GRIP1: variants seen among roughly 807,000 people sequenced by gnomAD.
GRIP1 encodes the protein glutamate receptor-interacting protein 1.
A neutral mutation model predicts 129.9 loss-of-function variants in GRIP1; 45 were observed. The ratio of observed to expected loss-of-function variants is 0.35; its 90% confidence interval spans 0.27 to 0.44. The LOEUF (loss-of-function observed/expected upper bound fraction) is 0.44. Ranked by LOEUF, GRIP1 falls within the 20% of genes least tolerant of loss-of-function variation. The probability of loss-of-function intolerance (pLI) is 1.00; values close to 1 mark genes in which losing one functional copy is unlikely to be tolerated. For synonymous variants in GRIP1, 530 were observed against 520.8 expected, an observed-to-expected ratio of 1.02 and a Z score of -0.24; for missense variants, 1,196 against 1,396.8, an observed-to-expected ratio of 0.86 and a Z score of 2.29.
At chr12:66,787,275 C>T (rs1045602866) in intron 1 of GRIP1, among the ~76,000 whole-genome samples, 2 of 152,238 alleles carry the variant, frequency 1.3e-5, no homozygotes, top group African/African-American at 4.8e-5. Flanking sequence ...AAGTTTAGGA[C>T]GTTTGTTTCC....
At chr12:66,866,691 C>A (rs997996677) in intron 1 of GRIP1, among the ~76,000 whole-genome samples, 1 of 152,092 alleles carries the variant, frequency 6.6e-6, no homozygotes, top group African/African-American at 2.4e-5. Flanking sequence ...GATTATTATG[C>A]ATTGCATGCC....
chr12:66,395,608 C>T (rs1340277384), intron 16 of GRIP1, among the ~76,000 whole-genome samples: 1 of 152,210 alleles, frequency 6.6e-6, no homozygotes. Flanking sequence ...ACTTACTTCA[C>T]TTCTGGCCAT....
In GRIP1 at chr12:66,386,494, C is replaced by T. The variant is rs559083667; in HGVS notation, c.2464+5814G>A. Among the ~76,000 whole-genome samples, 7 of 152,070 alleles carry T rather than the reference C, an allele frequency of 4.6e-5. No homozygotes were observed. In the South Asian group the frequency reaches 8.3e-4, roughly 18 times the overall value. On this transcript the variant is annotated intron_variant, in intron 19 of 24. Transcript: ENST00000359742. ...CTAAAAATACAAAAAATTAGCTGGT[C>T]GTGGTGGTGGGCGCCTGTAGTCCCA...
intron 1 of GRIP1, among the ~76,000 whole-genome samples, chr12:66,903,239 T>C (rs1446829074): frequency 6.6e-6 from 1 of 151,948 alleles, no homozygotes; most frequent in Non-Finnish European, 1.5e-5. Flanking sequence ...TTGACAATTC[T>C]AGTTGTTTTA....
intron 1 of GRIP1, among the ~76,000 whole-genome samples, chr12:66,733,778 G>T (rs1188167008): frequency 6.6e-6 from 1 of 152,146 alleles, no homozygotes; most frequent in Non-Finnish European, 1.5e-5. Context: ...ACATCCCACT[G>T]AAGTAAGACA....
At chr12:66,982,544 G>A (rs917627484) in intron 1 of GRIP1, among the ~76,000 whole-genome samples, 1 of 152,164 alleles carries the variant, frequency 6.6e-6, no homozygotes, top group Admixed American at 6.5e-5. Context: ...CATCTACCAT[G>A]TTATGATCTG....
chr12:66,355,197 G>A (rs976306648), intron 23 of GRIP1, among the ~76,000 whole-genome samples: 4 of 152,256 alleles, frequency 2.6e-5, no homozygotes, highest in Admixed American at 6.5e-5. Context: ...CTCTTCACAC[G>A]CTCATTCCAT....
chr12:66,797,593 C>T (rs948840843), intron 1 of GRIP1, among the ~76,000 whole-genome samples: 3 of 152,126 alleles, frequency 2.0e-5, no homozygotes, highest in Non-Finnish European at 4.4e-5. Flanking sequence ...TAGTTTCCAT[C>T]GGTGGCATTT....
intron 1 of GRIP1, among the ~76,000 whole-genome samples, chr12:66,664,049 C>A (rs1226906375): frequency 1.3e-5 from 2 of 152,042 alleles, no homozygotes; most frequent in Non-Finnish European, 2.9e-5. Context: ...TTCTATCAAA[C>A]TTCTAAGGGT....
At chr12:66,374,215 G>A in intron 22 of GRIP1, among the ~76,000 whole-genome samples, 1 of 151,908 alleles carries the variant, frequency 6.6e-6, no homozygotes, top group East Asian at 1.9e-4. Context: ...TTGAAATGGA[G>A]TTTCACTCTG....
At chr12:66,965,602 AT>A (rs1201679726) in intron 1 of GRIP1, among the ~76,000 whole-genome samples, 1 of 123,130 alleles carries the variant, frequency 8.1e-6, no homozygotes, top group African/African-American at 3.5e-5. Flanking sequence ...TGTGTGAGAT[AT>A]TATTACTAAA....
At chr12:66,496,187 G>A (rs1450105640) in intron 7 of GRIP1, among the ~76,000 whole-genome samples, 1 of 152,134 alleles carries the variant, frequency 6.6e-6, no homozygotes, top group Non-Finnish European at 1.5e-5. Flanking sequence ...TCAAATATAT[G>A]ATGTTTATCT....
At chr12:66,799,308 A>G (rs2038792144) in intron 1 of GRIP1, among the ~76,000 whole-genome samples, 1 of 152,192 alleles carries the variant, frequency 6.6e-6, no homozygotes, top group Non-Finnish European at 1.5e-5. Context: ...TAGGGAAGAA[A>G]AATAAGCAGT....
intron 1 of GRIP1, among the ~76,000 whole-genome samples, chr12:66,656,648 A>T (rs2033176281): frequency 6.6e-6 from 1 of 152,192 alleles, no homozygotes; most frequent in Non-Finnish European, 1.5e-5. Flanking sequence ...CTTCATGCAA[A>T]ACTGGAAATA....
intron 2 of GRIP1, among the ~76,000 whole-genome samples, chr12:66,565,059 C>T (rs2062698158): frequency 1.3e-5 from 2 of 152,238 alleles, no homozygotes; most frequent in Admixed American, 1.3e-4. Context: ...AAAATTTTCC[C>T]CCATTCTGTA....
chr12:66,528,457 T>C (rs564009894), intron 5 of GRIP1, among the ~76,000 whole-genome samples: 1 of 152,234 alleles, frequency 6.6e-6, no homozygotes, highest in Non-Finnish European at 1.5e-5. Context: ...AGTTTTATGA[T>C]AAGTTGGAGT....
chr12:66,804,283 C>T, upstream of GRIP1: 2 of 336,580 alleles, frequency 5.9e-6, no homozygotes, highest in Admixed American at 3.3e-5. Flanking sequence ...CAATACCAAA[C>T]CTGGACCAGG....
rs1045304859 is a variant in GRIP1 at position 67,048,463 on chromosome 12, T to C, written c.58+20587A>G. The stretch of plus-strand genomic sequence containing the variant: ...AAACGTATACATATACGCACACACA[T>C]ACATTTTTTTTTTTAAAGATGAAGT... On this transcript the variant is annotated intron_variant, in intron 1 of 1. Transcript: ENST00000643019. 5.9e-5 allele frequency among the ~76,000 whole-genome samples: 9 copies of C among 152,162 alleles called. No individual in the cohort carries two copies. In the East Asian group the frequency reaches 1.5e-3, roughly 26 times the overall value.
chr12:66,806,772 A>G (rs775993900), upstream of GRIP1, among the ~76,000 whole-genome samples: 1 of 151,994 alleles, frequency 6.6e-6, no homozygotes, highest in Non-Finnish European at 1.5e-5. Flanking sequence ...GTTTTCAGAA[A>G]TAAACAGAAA....
Sources: gnomAD v4.1 joint callset for allele counts (sites outside exome capture counted in the v4.1 genomes callset) on GRCh38, gnomAD v4.1.1 for gene constraint, MANE v1.5 for transcripts, NCBI Gene and HGNC (gene_info 2026-07-23, HGNC 2026-07-21) for gene names.